Variants in CACNA2D3 observed in about 807,000 individuals in gnomAD.
The protein encoded by CACNA2D3 is calcium voltage-gated channel auxiliary subunit alpha2delta 3.
A neutral mutation model predicts 160.6 loss-of-function variants in CACNA2D3; 60 were observed. That is an observed-to-expected ratio of 0.37 (90% confidence interval 0.30 to 0.46). The LOEUF (loss-of-function observed/expected upper bound fraction) is 0.46, where lower values mean the gene tolerates loss of function less well. Ranked by LOEUF, CACNA2D3 falls within the 20% of genes least tolerant of loss-of-function variation. CACNA2D3 has a pLI of 1.00. For synonymous variants in CACNA2D3, 558 were observed against 492.9 expected (o/e 1.13, Z -1.75); for missense variants, 1,205 against 1,365.0 (o/e 0.88, Z 1.85).
intron 9 of CACNA2D3, among the ~76,000 whole-genome samples, chr3:54,612,459 G>A (rs1017689808): frequency 6.6e-6 from 1 of 152,148 alleles, no homozygotes; most frequent in Non-Finnish European, 1.5e-5. Context: ...GTAAAGTCAG[G>A]GAGGCCCGTG....
At chr3:54,937,198 TGAAA>T (rs1324772213) in intron 27 of CACNA2D3, among the ~76,000 whole-genome samples, 1 of 152,178 alleles carries the variant, frequency 6.6e-6, no homozygotes, top group Non-Finnish European at 1.5e-5. Flanking sequence ...TCTTTCTTGA[TGAAA>T]GAAGTATCTA....
intron 18 of CACNA2D3, among the ~76,000 whole-genome samples, chr3:54,878,194 A>G (rs1233911281): frequency 1.3e-5 from 2 of 152,136 alleles, no homozygotes; most frequent in African/African-American, 4.8e-5. Context: ...AGGGGAAAAG[A>G]TGAAAAAGAC....
At chr3:54,162,491 G>C (rs1700364955) in intron 2 of CACNA2D3, among the ~76,000 whole-genome samples, 1 of 152,146 alleles carries the variant, frequency 6.6e-6, no homozygotes, top group Non-Finnish European at 1.5e-5. Flanking sequence ...TGACAGGTGG[G>C]ATCCAAGAGC....
At chr3:54,997,070 T>G (rs71308055) in intron 31 of CACNA2D3, among the ~76,000 whole-genome samples, 9,198 of 152,126 alleles carry the variant, frequency 0.06, 389 homozygotes, top group Non-Finnish European at 0.09. Context: ...ATACCTAATG[T>G]AGATGATGGG....
intron 4 of CACNA2D3, among the ~76,000 whole-genome samples, chr3:54,460,428 G>C (rs1013934342): frequency 5.8e-4 from 89 of 152,234 alleles, no homozygotes; most frequent in Non-Finnish European, 1.0e-3. Flanking sequence ...TCTTCCATTT[G>C]TTTGTATCCT....
At chr3:54,304,313 G>A (rs1160966154) in intron 2 of CACNA2D3, among the ~76,000 whole-genome samples, 2 of 152,096 alleles carry the variant, frequency 1.3e-5, no homozygotes, top group African/African-American at 4.8e-5. Context: ...CCACCCCATG[G>A]GTCTCAGTGT....
rs1704900656 is a variant in CACNA2D3 at position 55,074,338 on chromosome 3, T to TTTTA, written c.*133_*136dup. ...TCCAACCATCAGCATCTCATCATGA[T>TTTTA]TTTAAACTGTGCGTGATATAAACTC... On this transcript the variant is annotated 3_prime_UTR_variant, in exon 38 of 38. Transcript: ENST00000474759. 1.4e-6 allele frequency: 1 copy of TTTTA among 734,096 alleles called. No individual in the cohort carries two copies. Among genetic ancestry groups the TTTTA allele is most frequent in the East Asian group, 2.5e-5 (1 of 39,794 alleles). 45.5% of individuals were successfully genotyped at this position (734,096 alleles called of 1,614,324 possible). A position where few individuals can be genotyped will look rare whatever the true frequency, so the allele number is the denominator to read the frequency against.
chr3:54,820,183 G>C (rs1703557723), intron 14 of CACNA2D3, among the ~76,000 whole-genome samples: 1 of 152,114 alleles, frequency 6.6e-6, no homozygotes, highest in Non-Finnish European at 1.5e-5. Flanking sequence ...CTGTGTTTTT[G>C]TTGGACTCTG....
At chr3:54,908,147 G>T (rs942859740) in intron 27 of CACNA2D3, among the ~76,000 whole-genome samples, 3 of 152,142 alleles carry the variant, frequency 2.0e-5, no homozygotes, top group African/African-American at 4.8e-5. Flanking sequence ...TTTCCAAAGT[G>T]GCTGCACCAT....
intron 11 of CACNA2D3, among the ~76,000 whole-genome samples, chr3:54,680,520 T>A (rs1333815474): frequency 6.6e-6 from 1 of 152,222 alleles, no homozygotes; most frequent in Non-Finnish European, 1.5e-5. Flanking sequence ...TCTGTCTGGG[T>A]ATCCTCAGGG....
intron 3 of CACNA2D3, among the ~76,000 whole-genome samples, chr3:54,383,710 G>A (rs889983084): frequency 1.6e-4 from 25 of 151,878 alleles, no homozygotes; most frequent in African/African-American, 5.8e-4. Context: ...AAAAAAAAAA[G>A]GCAGGAGGCA....
chr3:54,819,378 G>A (rs575055281), intron 14 of CACNA2D3, among the ~76,000 whole-genome samples: 29 of 152,196 alleles, frequency 1.9e-4, no homozygotes, highest in Middle Eastern at 3.4e-3. Context: ...TTCTTATTAC[G>A]ACTTGGCTTG....
At chr3:54,926,453 C>G (rs1026992276) in intron 27 of CACNA2D3, among the ~76,000 whole-genome samples, 1 of 151,732 alleles carries the variant, frequency 6.6e-6, no homozygotes, top group Non-Finnish European at 1.5e-5. Flanking sequence ...CACTTTTCCT[C>G]CCTCCAGAGT....
chr3:54,829,334 G>GT (rs369379317), intron 14 of CACNA2D3, among the ~76,000 whole-genome samples: 1 of 152,286 alleles, frequency 6.6e-6, no homozygotes, highest in East Asian at 1.9e-4. Flanking sequence ...TGTCTGCCCA[G>GT]TGTTGAGGAT....
At chr3:54,989,316 C>G (rs1366769262) in intron 31 of CACNA2D3, among the ~76,000 whole-genome samples, 2 of 152,192 alleles carry the variant, frequency 1.3e-5, no homozygotes, top group African/African-American at 2.4e-5. Flanking sequence ...TTTTGAACCT[C>G]TAGTCTTCTC....
At chr3:54,489,028 G>A (rs554709979) in intron 4 of CACNA2D3, among the ~76,000 whole-genome samples, 169 of 152,298 alleles carry the variant, frequency 1.1e-3, no homozygotes, top group Admixed American at 2.4e-3. Flanking sequence ...CATGCATAGA[G>A]AATCATGGAG....
chr3:54,570,161 T>A, intron 8 of CACNA2D3, 57 bp downstream of exon 8: 1 of 1,560,814 alleles, frequency 6.4e-7, no homozygotes, highest in Non-Finnish European at 8.8e-7. Context: ...CTTTTGGTAG[T>A]GACTGGTTAA....
chr3:54,635,422 AC>A (rs1466067203), intron 10 of CACNA2D3, among the ~76,000 whole-genome samples: 2 of 152,010 alleles, frequency 1.3e-5, no homozygotes, highest in Non-Finnish European at 2.9e-5. Flanking sequence ...GGCAGTGTAA[AC>A]AAGAGCAGGG....
At chr3:54,272,260 T>C (rs1702637814) in intron 2 of CACNA2D3, among the ~76,000 whole-genome samples, 2 of 152,160 alleles carry the variant, frequency 1.3e-5, no homozygotes, top group South Asian at 4.1e-4. Context: ...TTCTTGTACA[T>C]TTTGCCTCAC....
Sources: allele counts gnomAD v4.1 joint callset (sites outside exome capture counted in the v4.1 genomes callset), GRCh38; gene constraint gnomAD v4.1.1; transcripts MANE v1.5; gene names NCBI Gene and HGNC (gene_info 2026-07-23, HGNC 2026-07-21).